Variants in RHCE observed in about 807,000 individuals in gnomAD.
The protein encoded by RHCE is blood group Rh(CE) polypeptide.
A neutral mutation model predicts 43.8 loss-of-function variants in RHCE; 22 were observed. The ratio of observed to expected loss-of-function variants is 0.50; its 90% CI spans 0.36 to 0.72. The LOEUF is 0.72. RHCE is among the 30% of genes least tolerant of loss of function. RHCE has a pLI of 0.00. For missense variants in RHCE, 385 were observed against 525.4 expected (o/e 0.73, Z 2.61); for synonymous variants, 156 against 210.7 (o/e 0.74, Z 2.25).
chr1:25,412,388 C>T (rs28431229), intron 1 of RHCE, among the ~76,000 whole-genome samples: 11,188 of 151,948 alleles, frequency 0.074, 1,285 homozygotes, highest in African/African-American at 0.25. Context: ...AGGAGAGTTG[C>T]CTGGATAAGG....
chr1:25,397,347 G>C (rs1418779613), intron 3 of RHCE, among the ~76,000 whole-genome samples: 5 of 150,512 alleles, frequency 3.3e-5, no homozygotes, highest in Admixed American at 6.6e-5. Flanking sequence ...AAATACAAAA[G>C]TAAGCCAGGC....
chr1:25,415,845 T>C (rs1232788335), intron 1 of RHCE, among the ~76,000 whole-genome samples: 1 of 151,452 alleles, frequency 6.6e-6, no homozygotes, highest in Non-Finnish European at 1.5e-5. Context: ...GCTCCAGGAA[T>C]TCTCGAACTT....
At chr1:25,396,663 C>T (rs1217476359) in intron 3 of RHCE, among the ~76,000 whole-genome samples, 1 of 152,120 alleles carries the variant, frequency 6.6e-6, no homozygotes, top group Non-Finnish European at 1.5e-5. Context: ...ACTTTCAAAC[C>T]ATCAGCTCTC....
At chr1:25,390,028 AC>A (rs1343622822) in intron 5 of RHCE, among the ~76,000 whole-genome samples, 3 of 150,214 alleles carry the variant, frequency 2.0e-5, no homozygotes, top group Non-Finnish European at 4.4e-5. Flanking sequence ...CATTCTTTCC[AC>A]TCCAGCCCCC....
intron 7 of RHCE, among the ~76,000 whole-genome samples, chr1:25,380,204 A>G (rs1051500541): frequency 1.4e-5 from 2 of 140,580 alleles, no homozygotes; most frequent in African/African-American, 5.4e-5. Flanking sequence ...GCAAGGGAAA[A>G]AGGGTAACTG....
In RHCE at chr1:25,420,736, G is replaced by C; in HGVS notation, c.51C>G (p.Ala17=). The C allele has an allele frequency of 6.2e-7, 1 of 1,609,190 alleles. No individual in the cohort carries two copies. Among genetic ancestry groups the C allele is most frequent in the Non-Finnish European group, 8.5e-7 (1 of 1,176,830 alleles). ...RSVRRCLPLC[A]LTLEAALILL... is the part of the protein sequence containing the mutation. ...GAATGAGAGCTGCTTCCAGTGTTAG[G>C]GCGCAGAGGGGCAGGCAGCGCCGGA... The change falls in exon 1 of 10, where the codon GCC becomes GCG. Residue 17 remains alanine, a synonymous_variant. Coordinates refer to ENST00000294413, the MANE Select transcript of RHCE (RefSeq NM_020485.8).
upstream of RHCE, among the ~76,000 whole-genome samples, chr1:25,421,154 C>A (rs1476955985): frequency 2.0e-5 from 3 of 152,170 alleles, no homozygotes; most frequent in Admixed American, 2.0e-4. Context: ...AAGCAAGGAA[C>A]GGATCAATAC....
intron 3 of RHCE, among the ~76,000 whole-genome samples, chr1:25,402,027 C>T (rs1052410151): frequency 6.6e-6 from 1 of 152,052 alleles, no homozygotes; most frequent in Admixed American, 6.5e-5. Flanking sequence ...CAGGCACCTG[C>T]CACCATGCGC....
intron 7 of RHCE, among the ~76,000 whole-genome samples, chr1:25,384,634 G>A (rs570055779): frequency 2.0e-5 from 3 of 152,278 alleles, no homozygotes; most frequent in South Asian, 4.1e-4. Context: ...CCACTGATAT[G>A]TGATCCCTAT....
intron 3 of RHCE, among the ~76,000 whole-genome samples, chr1:25,392,929 G>A (rs1196832011): frequency 6.6e-6 from 1 of 152,074 alleles, no homozygotes; most frequent in African/African-American, 2.4e-5. Context: ...ACATGGACAC[G>A]CACTTCACTG....
upstream of RHCE, among the ~76,000 whole-genome samples, chr1:25,422,841 T>C (rs1185912684): frequency 6.6e-6 from 1 of 152,146 alleles, no homozygotes; most frequent in East Asian, 1.9e-4. Context: ...CAGGCATTAG[T>C]TAGATTCTCC....
At chr1:25,379,453 A>G (rs185141040) in intron 7 of RHCE, among the ~76,000 whole-genome samples, 866 of 31,970 alleles carry the variant, frequency 0.027, 29 homozygotes, top group African/African-American at 0.076. Context: ...GCACCAAAGT[A>G]TATATATATA....
At chr1:25,411,361 G>A in intron 1 of RHCE, 1 of 1,550,506 alleles carries the variant, frequency 6.4e-7, no homozygotes, top group Non-Finnish European at 8.7e-7. Flanking sequence ...CTCCAGCCCT[G>A]GCTTTGATAA....
chr1:25,362,611 T>C, intron 9 of RHCE, 58 bp from the exon 10 acceptor site: 1 of 1,217,712 alleles, frequency 8.2e-7, no homozygotes, highest in Non-Finnish European at 1.2e-6. Context: ...GATTTTGGCT[T>C]GATCTCTTGA....
rs576033674 is a variant in RHCE, at chr1:25,418,967, C to A, written c.148+1672G>T. ...CTGCTACACCTACTGGGTTATATGA[C>A]AAATGACTCAACGCCACTGTAAAAT... On this transcript the variant is annotated intron_variant, in intron 1 of 9. Transcript: ENST00000294413. Among the ~76,000 whole-genome samples, 6 of 152,312 alleles carry A rather than the reference C, an allele frequency of 3.9e-5. No individual in the cohort carries two copies. In the South Asian group the frequency reaches 1.2e-3, roughly 32 times the overall value.
intron 1 of RHCE, among the ~76,000 whole-genome samples, chr1:25,413,618 C>T (rs566796666): frequency 0.033 from 4,947 of 151,726 alleles, 275 homozygotes; most frequent in African/African-American, 0.11. Context: ...AGTTCAGCAG[C>T]GAGAGATAAG....
intron 3 of RHCE, among the ~76,000 whole-genome samples, chr1:25,392,513 G>C (rs1334068406): frequency 2.0e-5 from 3 of 151,170 alleles, no homozygotes; most frequent in Non-Finnish European, 4.4e-5. Context: ...CACCCGCCTC[G>C]GCCTCCCAAA....
intron 5 of RHCE, among the ~76,000 whole-genome samples, chr1:25,390,311 TG>T (rs1347933187): frequency 1.2e-4 from 18 of 152,314 alleles, no homozygotes; most frequent in Admixed American, 1.2e-3. Context: ...AACGTTGAAG[TG>T]GCTTGACCAG....
At chr1:25,379,985 A>T (rs1235198511) in intron 7 of RHCE, among the ~76,000 whole-genome samples, 1 of 151,562 alleles carries the variant, frequency 6.6e-6, no homozygotes, top group Non-Finnish European at 1.5e-5. Context: ...GACAACCCCC[A>T]AAGTCTTAAC....
Sources: allele counts gnomAD v4.1 joint callset (sites outside exome capture counted in the v4.1 genomes callset), GRCh38; gene constraint gnomAD v4.1.1; transcripts MANE v1.5; gene names NCBI Gene and HGNC (gene_info 2026-07-23, HGNC 2026-07-21).